The following KIF2C variants were observed in gnomAD, a reference collection of about 807,000 sequenced individuals.
KIF2C encodes kinesin family member 2C.
KIF2C carries 34 observed loss-of-function variants against 97.4 expected under a neutral mutation model. That is an observed-to-expected ratio of 0.35 (90% CI 0.27 to 0.46). KIF2C has a LOEUF of 0.46. KIF2C is among the 20% of genes least tolerant of loss of function. KIF2C has a pLI of 1.00. For missense variants in KIF2C, 750 were observed against 907.6 expected, an observed-to-expected ratio of 0.83 and a Z score of 2.23; for synonymous variants, 313 against 318.2, an observed-to-expected ratio of 0.98 and a Z score of 0.17.
intron 2 of KIF2C, among the ~76,000 whole-genome samples, chr1:44,744,428 C>G (rs1649080235): frequency 6.6e-6 from 1 of 152,120 alleles, no homozygotes; most frequent in African/African-American, 2.4e-5. Flanking sequence ...TTCTAATCAC[C>G]CTTTTTCTTT....
At position 44,766,810 on chromosome 1, in the gene KIF2C, C is replaced by A; in HGVS notation, c.1972-16C>A. 1.2e-6 allele frequency: 2 copies of A among 1,613,562 alleles called. No homozygotes were observed. Among genetic ancestry groups the A allele is most frequent in the South Asian group, 1.1e-5 (1 of 91,018 alleles). ...TAAATGGTTATTGAACTGACAAGGTCCTCCCTGTGTTGTAGCAAGGACCAG... is the reference window on the plus strand; with the variant it reads ...TAAATGGTTATTGAACTGACAAGGTACTCCCTGTGTTGTAGCAAGGACCAG... On this transcript the variant is annotated splice_polypyrimidine_tract_variant and intron_variant, in intron 19 of 20. Coordinates refer to ENST00000372224, the MANE Select transcript of KIF2C (RefSeq NM_006845.4).
At chr1:44,746,242 T>C in intron 2 of KIF2C, 1 of 479,212 alleles carries the variant, frequency 2.1e-6, no homozygotes, top group Non-Finnish European at 2.7e-6. Flanking sequence ...CTCTGTCACA[T>C]TTTGAAATAC....
intron 4 of KIF2C, among the ~76,000 whole-genome samples, chr1:44,749,800 T>TGGGCAC (rs1376438708): frequency 6.7e-6 from 1 of 149,690 alleles, no homozygotes. Flanking sequence ...AAAGATGGGC[T>TGGGCAC]GGGCACGGTG....
chr1:44,752,021 C>T (rs1457288433), intron 5 of KIF2C, among the ~76,000 whole-genome samples: 1 of 151,466 alleles, frequency 6.6e-6, no homozygotes. Context: ...AGGGTTTCAC[C>T]ATATTGGCCA....
chr1:44,757,903 T>C lies in KIF2C; in HGVS notation c.1069-5T>C, dbSNP rs1649925031. The stretch of plus-strand genomic sequence containing the variant: ...TCCATGGTCTTCTACCCCTTCCCTT[T>C]GCAGACTATGGGCGGAGACCTCTCT... On this transcript the variant is annotated splice_region_variant and splice_polypyrimidine_tract_variant and intron_variant, in intron 11 of 20. Coordinates refer to ENST00000372224, the MANE Select transcript of KIF2C (RefSeq NM_006845.4). The C allele has an allele frequency of 6.2e-7, 1 of 1,613,950 alleles. No individual in the cohort carries two copies.
rs768679571 is a variant in KIF2C, at chr1:44,760,898, G to T, written c.1683+196G>T. Reference sequence around the variant, plus strand: ...TGGCCTAACCAAGCGTGGAGGAAAGGATCTATTCCCTTTAAGATGTGTAGG... The same window carrying T: ...TGGCCTAACCAAGCGTGGAGGAAAGTATCTATTCCCTTTAAGATGTGTAGG... On this transcript the variant is annotated intron_variant, in intron 16 of 20. Transcript: ENST00000372224. The surrounding 1 kb of genome is among the most constrained non-coding windows in gnomAD (Gnocchi z 4.2). 6.9e-6 allele frequency: 4 copies of T among 577,518 alleles called. No homozygotes were observed. The highest frequency in any genetic ancestry group is 2.0e-5 in the South Asian group (1 of 50,104). 35.8% of individuals were successfully genotyped at this position (577,518 alleles called of 1,614,324 possible). A position where few individuals can be genotyped will look rare whatever the true frequency, so the allele number is the denominator to read the frequency against.
chr1:44,747,021 G>T (rs1193955047), intron 2 of KIF2C, among the ~76,000 whole-genome samples: 1 of 151,022 alleles, frequency 6.6e-6, no homozygotes, highest in African/African-American at 2.4e-5. Context: ...CCTCAGCCTC[G>T]GGGGGGCCAG....
At chr1:44,759,410 G>C in intron 14 of KIF2C, 62 bp downstream of exon 14, 1 of 1,593,024 alleles carries the variant, frequency 6.3e-7, no homozygotes, top group Admixed American at 1.7e-5. Flanking sequence ...GTAAAGTCTA[G>C]CTCTGAGCAC....
chr1:44,752,298 C>T (rs529305384), intron 5 of KIF2C, among the ~76,000 whole-genome samples: 67 of 151,862 alleles, frequency 4.4e-4, no homozygotes, highest in Middle Eastern at 6.8e-3. Flanking sequence ...CCGCGCCCGG[C>T]TAATTTTTTG....
chr1:44,744,130 G>A (rs909587645), intron 2 of KIF2C, among the ~76,000 whole-genome samples: 1 of 149,644 alleles, frequency 6.7e-6, no homozygotes, highest in Non-Finnish European at 1.5e-5. Flanking sequence ...TCACTCTATC[G>A]CCAGGCTGGA....
At chr1:44,742,276 A>G (rs1648973811) in intron 2 of KIF2C, among the ~76,000 whole-genome samples, 1 of 151,754 alleles carries the variant, frequency 6.6e-6, no homozygotes, top group African/African-American at 2.4e-5. Flanking sequence ...CGCCCGGCTA[A>G]TTTTTTGTAT....
In KIF2C at chr1:44,755,911, C is replaced by T. The variant is rs1573566372; in HGVS notation, c.760-18C>T. 1 of 1,613,204 alleles carries T rather than the reference C, an allele frequency of 6.2e-7. No individual in the cohort carries two copies. Among genetic ancestry groups the T allele is most frequent in the East Asian group, 2.2e-5 (1 of 44,876 alleles). ...TCTGACCCTTTGCTGTTGGTTGCCT[C>T]CTCTCATCCGCTTGCAGATCGAAGA... On this transcript the variant is annotated intron_variant, in intron 8 of 20. Transcript: ENST00000372224.
intron 2 of KIF2C, among the ~76,000 whole-genome samples, chr1:44,744,422 A>T (rs1410254651): frequency 6.6e-6 from 1 of 152,066 alleles, no homozygotes; most frequent in African/African-American, 2.4e-5. Context: ...CTCTGATTCT[A>T]ATCACCCTTT....
At chr1:44,754,720 C>G (rs751087751) in intron 7 of KIF2C, 30 bp from the exon 8 acceptor site, 4 of 1,302,572 alleles carry the variant, frequency 3.1e-6, no homozygotes, top group Non-Finnish European at 4.5e-6. Context: ...TCTTAACAGT[C>G]TGCCCTTTTT....
At chr1:44,741,175 G>T (rs936536716) in intron 2 of KIF2C, among the ~76,000 whole-genome samples, 168 bp downstream of exon 2, 1 of 152,132 alleles carries the variant, frequency 6.6e-6, no homozygotes, top group Non-Finnish European at 1.5e-5. Context: ...CTGATGTCAG[G>T]AGTTCGAGAC....
intron 8 of KIF2C, 76 bp downstream of exon 8, chr1:44,754,921 G>A: frequency 1.1e-6 from 1 of 872,134 alleles, no homozygotes; most frequent in East Asian, 2.4e-5. Flanking sequence ...CAGGAATGAG[G>A]GCATGCAGGA....
chr1:44,756,798 C>T (rs1649867323), intron 10 of KIF2C, among the ~76,000 whole-genome samples: 1 of 151,954 alleles, frequency 6.6e-6, no homozygotes, highest in Non-Finnish European at 1.5e-5. Context: ...GTGATCCGCT[C>T]GCCTTGGCCT....
intron 5 of KIF2C, 125 bp from the exon 6 acceptor site, chr1:44,753,007 G>A: frequency 2.5e-6 from 3 of 1,190,112 alleles, no homozygotes; most frequent in Admixed American, 2.2e-5. Context: ...CACAAGCTCT[G>A]CACATACTGT....
At chr1:44,749,661 A>G (rs1035908631) in intron 4 of KIF2C, among the ~76,000 whole-genome samples, 1 of 151,822 alleles carries the variant, frequency 6.6e-6, no homozygotes, top group Non-Finnish European at 1.5e-5. Flanking sequence ...TGGATTATAT[A>G]TAGCCATCAG....
Sources: allele counts gnomAD v4.1 joint callset (sites outside exome capture counted in the v4.1 genomes callset), GRCh38; gene constraint gnomAD v4.1.1; non-coding constraint Gnocchi (gnomAD v3.1); transcripts MANE v1.5; gene names NCBI Gene and HGNC (gene_info 2026-07-23, HGNC 2026-07-21).